Variants in LYSMD2 observed in about 807,000 individuals in gnomAD.
LYSMD2 encodes LysM domain containing 2.
LYSMD2 carries 6 observed loss-of-function variants against 17.7 expected under a neutral mutation model. That is an observed-to-expected ratio of 0.34 (90% CI 0.19 to 0.67). LYSMD2 has a LOEUF of 0.67. LYSMD2 is among the 30% of genes least tolerant of loss of function. LYSMD2 has a pLI of 0.69. For synonymous variants in LYSMD2, 102 were observed against 129.8 expected (o/e 0.79, Z 1.45); for missense variants, 237 against 286.7 (o/e 0.83, Z 1.25).
chr15:51,723,738 C>A, intron 2 of LYSMD2, 89 bp from the exon 3 acceptor site: 1 of 955,954 alleles, frequency 1.0e-6, no homozygotes, highest in Non-Finnish European at 1.6e-6. Context: ...ATCCACTTGC[C>A]AAAGAAGGAA....
At chr15:51,728,195 C>CG in intron 1 of LYSMD2, among the ~76,000 whole-genome samples, 1 of 152,154 alleles carries the variant, frequency 6.6e-6, no homozygotes, top group East Asian at 1.9e-4. Flanking sequence ...TTTGGGAGGC[C>CG]AAGGTCAGGA....
chr15:51,747,629 A>T (rs755114134), intron 1 of LYSMD2, among the ~76,000 whole-genome samples: 1 of 152,142 alleles, frequency 6.6e-6, no homozygotes, highest in Admixed American at 6.5e-5. Flanking sequence ...ACATTTTGTT[A>T]TTTGTCTCTT....
chr15:51,730,481 G>A (rs770832923), intron 1 of LYSMD2, among the ~76,000 whole-genome samples: 4 of 152,144 alleles, frequency 2.6e-5, no homozygotes, highest in Non-Finnish European at 4.4e-5. Context: ...TCGCCACTGC[G>A]CTCCAGGTCA....
At chr15:51,737,796 C>G, upstream of LYSMD2, 1 of 408,398 alleles carries the variant, frequency 2.4e-6, no homozygotes, top group Non-Finnish European at 4.0e-6. This position sits in a 1 kb window ranked among gnomAD's most constrained non-coding sequence, Gnocchi z 4.2. Context: ...CGGGCGCCTC[C>G]TCCTCTGCGT....
chr15:51,745,077 A>G (rs141578892), intron 1 of LYSMD2, among the ~76,000 whole-genome samples: 17 of 152,170 alleles, frequency 1.1e-4, no homozygotes, highest in African/African-American at 4.1e-4. Context: ...AGAAATACAC[A>G]ATCTGAATAG....
intron 1 of LYSMD2, among the ~76,000 whole-genome samples, chr15:51,749,486 A>G (rs766811922): frequency 6.6e-6 from 1 of 152,176 alleles, no homozygotes; most frequent in African/African-American, 2.4e-5. Context: ...TTTAACTTAA[A>G]TCATTCCCCT....
At chr15:51,737,791 G>A (rs1489050164), upstream of LYSMD2, 2 of 434,488 alleles carry the variant, frequency 4.6e-6, no homozygotes, top group Non-Finnish European at 7.3e-6. This position sits in a 1 kb window ranked among gnomAD's most constrained non-coding sequence, Gnocchi z 4.2. Context: ...CATGGCGGGC[G>A]CCTCCTCCTC....
chr15:51,749,612 A>G (rs2055686539), intron 1 of LYSMD2, among the ~76,000 whole-genome samples: 1 of 152,206 alleles, frequency 6.6e-6, no homozygotes, highest in Non-Finnish European at 1.5e-5. Flanking sequence ...TACACTACTG[A>G]GCACCTTTGC....
In LYSMD2 at chr15:51,737,018, A is replaced by C. The variant is rs2055613665; in HGVS notation, c.273+332T>G. 6.6e-6 allele frequency among the ~76,000 whole-genome samples: 1 copy of C among 152,158 alleles called. No homozygotes were observed. The highest frequency in any genetic ancestry group is 6.5e-5 in the Admixed American group (1 of 15,284). ...GTGAAGGTGGTTCACGGGGATGCCAAAGCCCTAGTCCTCTTCGGCCTCCCT... is the reference window on the plus strand; with the variant it reads ...GTGAAGGTGGTTCACGGGGATGCCACAGCCCTAGTCCTCTTCGGCCTCCCT... On this transcript the variant is annotated intron_variant, in intron 1 of 2. Coordinates refer to ENST00000267838, the MANE Select transcript of LYSMD2 (RefSeq NM_153374.3). This position sits in a 1 kb window ranked among gnomAD's most constrained non-coding sequence, Gnocchi z 4.2.
At chr15:51,746,399 G>A (rs147279385) in intron 1 of LYSMD2, among the ~76,000 whole-genome samples, 95 of 152,286 alleles carry the variant, frequency 6.2e-4, no homozygotes, top group African/African-American at 2.2e-3. Flanking sequence ...TCCAGAATAA[G>A]CAAATCTAGA....
At chr15:51,749,537 A>G (rs1296085195) in intron 1 of LYSMD2, among the ~76,000 whole-genome samples, 1 of 152,190 alleles carries the variant, frequency 6.6e-6, no homozygotes, top group Non-Finnish European at 1.5e-5. Flanking sequence ...GGAATACTCT[A>G]TTCGTTTTAT....
At chr15:51,732,162 A>G (rs946952542) in intron 1 of LYSMD2, among the ~76,000 whole-genome samples, 1 of 152,138 alleles carries the variant, frequency 6.6e-6, no homozygotes, top group African/African-American at 2.4e-5. Context: ...ATGAGCCTCA[A>G]ACCAAATCTT....
At chr15:51,734,172 G>A (rs1257037802) in intron 1 of LYSMD2, among the ~76,000 whole-genome samples, 1 of 152,130 alleles carries the variant, frequency 6.6e-6, no homozygotes, top group African/African-American at 2.4e-5. Context: ...GACAAAGTGA[G>A]CCTTTGTCTC....
At chr15:51,733,493 G>C (rs866313121) in intron 1 of LYSMD2, among the ~76,000 whole-genome samples, 9 of 151,962 alleles carry the variant, frequency 5.9e-5, no homozygotes, top group African/African-American at 2.2e-4. Context: ...GGAAGTTGGG[G>C]AGGAGCGCTG....
upstream of LYSMD2, chr15:51,737,661 G>A: frequency 8.3e-7 from 1 of 1,199,784 alleles, no homozygotes; most frequent in Non-Finnish European, 1.0e-6. The surrounding 1 kb of genome is among the most constrained non-coding windows in gnomAD (Gnocchi z 4.2). Flanking sequence ...AGCTTGCCAA[G>A]GGGGCGGCGC....
At chr15:51,724,594 C>CA (rs754626340) in intron 2 of LYSMD2, among the ~76,000 whole-genome samples, 196 bp downstream of exon 2, 1 of 76,426 alleles carries the variant, frequency 1.3e-5, no homozygotes, top group Non-Finnish European at 3.0e-5. Context: ...GTTTTTAAAG[C>CA]AAAAAAAGAA....
chr15:51,723,797 C>G (rs2055518474), intron 2 of LYSMD2, 148 bp from the exon 3 acceptor site: 1 of 513,228 alleles, frequency 1.9e-6, no homozygotes, highest in Non-Finnish European at 3.4e-6. Context: ...TATGAAATGC[C>G]AATACTTAAG....
At chr15:51,727,130 G>A (rs1422140473) in intron 1 of LYSMD2, among the ~76,000 whole-genome samples, 1 of 152,170 alleles carries the variant, frequency 6.6e-6, no homozygotes, top group Non-Finnish European at 1.5e-5. Context: ...GAAGTAATCA[G>A]AAATGGGTAG....
chr15:51,749,958 A>T (rs1717741530), intron 1 of LYSMD2, among the ~76,000 whole-genome samples: 1 of 152,258 alleles, frequency 6.6e-6, no homozygotes. Context: ...TCATAGAAAC[A>T]ACACTGGTCT....
Sources: allele counts gnomAD v4.1 joint callset (sites outside exome capture counted in the v4.1 genomes callset), GRCh38; gene constraint gnomAD v4.1.1; non-coding constraint Gnocchi (gnomAD v3.1); transcripts MANE v1.5; gene names NCBI Gene and HGNC (gene_info 2026-07-23, HGNC 2026-07-21).